GLI3: variants seen among roughly 807,000 people sequenced by gnomAD.
GLI3 encodes transcription activator GLI3.
A neutral mutation model predicts 100.8 loss-of-function variants in GLI3; 20 were observed. The observed-to-expected ratio is 0.20, with a 90% confidence interval of 0.14 to 0.29. The LOEUF is 0.29. Among genes scored for constraint, GLI3 ranks in the 10% least tolerant of loss-of-function variants. The pLI, the probability that GLI3 is intolerant of heterozygous loss-of-function variation, is 1.00. For synonymous variants in GLI3, 938 were observed against 860.5 expected, an observed-to-expected ratio of 1.09 and a Z score of -1.58; for missense variants, 2,040 against 2,128.5, an observed-to-expected ratio of 0.96 and a Z score of 0.82.
At chr7:42,159,167 G>T (rs115442645) in intron 2 of GLI3, among the ~76,000 whole-genome samples, 2,288 of 152,280 alleles carry the variant, frequency 0.015, 69 homozygotes, top group African/African-American at 0.053. Flanking sequence ...TCTTCAGGGG[G>T]ACTGTGATGA....
intron 10 of GLI3, among the ~76,000 whole-genome samples, chr7:42,009,646 C>T (rs938182097): frequency 6.6e-6 from 1 of 152,188 alleles, no homozygotes; most frequent in East Asian, 1.9e-4. Context: ...GCTTCCTTTT[C>T]CTGCTGTCTC....
chr7:42,025,321 CTTG>C lies in GLI3; in HGVS notation c.1296_1298del (p.Asn432del). 2 of 1,614,146 alleles carry C rather than the reference CTTG, an allele frequency of 1.2e-6. No individual in the cohort carries two copies. The highest frequency in any genetic ancestry group is 2.2e-5 in the East Asian group (1 of 44,866). ...CTTCATCGGGTTTGATCTTGGACCT[CTTG>C]TTGTGCATCGGGTCACCAGTGCTGC... On this transcript the variant is annotated inframe_deletion, in exon 9 of 15. Coordinates refer to ENST00000395925, the MANE Select transcript of GLI3 (RefSeq NM_000168.6).
In GLI3 at chr7:42,148,307, G is replaced by T. The variant is rs745600488; in HGVS notation, c.286C>A (p.His96Asn). 1 of 1,613,506 alleles carries T rather than the reference G, an allele frequency of 6.2e-7. No homozygotes were observed. Among genetic ancestry groups the T allele is most frequent in the Admixed American group, 1.7e-5 (1 of 59,940 alleles). ...IKKEIHGSLPHVAEPSVPYRG... is the reference protein window; with the variant it reads ...IKKEIHGSLPNVAEPSVPYRG... ...TACGGCACAGAGGGCTCCGCCACGTGTGGCAGGGACCCATGGATCTCTTTC... is the reference window on the plus strand; with the variant it reads ...TACGGCACAGAGGGCTCCGCCACGTTTGGCAGGGACCCATGGATCTCTTTC... The change falls in exon 3 of 15, where the codon CAC (histidine) becomes AAC (asparagine). Residue 96 changes from histidine to asparagine, a missense_variant. Physicochemically the swap from His to Asn is moderately conservative, Grantham distance 68 (BLOSUM62 1). Around this residue, in one of 5 missense-constraint regions of GLI3, gnomAD observed 603 missense variants for 690.9 expected, o/e 0.87. Coordinates refer to ENST00000395925, the MANE Select transcript of GLI3 (RefSeq NM_000168.6).
chr7:42,202,573 T>C (rs1055418083), intron 2 of GLI3, among the ~76,000 whole-genome samples: 2 of 152,172 alleles, frequency 1.3e-5, no homozygotes, highest in African/African-American at 2.4e-5. Context: ...AGGTTATGGG[T>C]TTCATGTCCA....
In GLI3 at chr7:42,148,218, G is replaced by A; in HGVS notation, c.367+8C>T. 1 of 1,605,906 alleles carries A rather than the reference G, an allele frequency of 6.2e-7. No individual in the cohort carries two copies. Among genetic ancestry groups the A allele is most frequent in the South Asian group, 1.1e-5 (1 of 90,024 alleles). On this transcript the variant is annotated splice_region_variant and intron_variant, in intron 3 of 14. Transcript: ENST00000395925. Reference sequence around the variant, plus strand: ...CCTGAACAAGTGCCGACTGGCATGGGCACTTACGGTAGTGGGGCTCCATGT... The same window carrying A: ...CCTGAACAAGTGCCGACTGGCATGGACACTTACGGTAGTGGGGCTCCATGT...
chr7:42,157,297 T>A (rs1323799485), intron 2 of GLI3, among the ~76,000 whole-genome samples: 1 of 152,260 alleles, frequency 6.6e-6, no homozygotes, highest in Non-Finnish European at 1.5e-5. Context: ...CAATTGTATC[T>A]AAGCAGCCTG....
chr7:42,137,104 C>T (rs911756427), intron 3 of GLI3, among the ~76,000 whole-genome samples: 11 of 152,148 alleles, frequency 7.2e-5, no homozygotes, highest in South Asian at 2.1e-4. Context: ...TCATGACAAC[C>T]GCTCATAAGG....
Position 41,961,247 on chromosome 7 carries a change from T to TAA in GLI3, c.*3082_*3083insTT. 6.6e-6 allele frequency: 1 copy of TAA among 152,648 alleles called. No homozygotes were observed. Among genetic ancestry groups the TAA allele is most frequent in the African/African-American group, 2.4e-5 (1 of 41,466 alleles). 9.5% of individuals were successfully genotyped at this position (152,648 alleles called of 1,614,324 possible). On this transcript the variant is annotated 3_prime_UTR_variant, in exon 15 of 15. Transcript: ENST00000395925. The stretch of plus-strand genomic sequence containing the variant: ...AAAAAAGGTGAAAAAAATGAACTTG[T>TAA]ATTTTATTTTACATGTCTGCAGGAT...
Position 42,037,162 on chromosome 7 carries a change from T to A in GLI3, c.1028+2876A>T, listed in dbSNP as rs148053042. 9.2e-5 allele frequency among the ~76,000 whole-genome samples: 14 copies of A among 152,114 alleles called. No homozygotes were observed. The East Asian group carries it at 2.7e-3, about 29-fold the overall frequency. On this transcript the variant is annotated intron_variant, in intron 7 of 14. Coordinates refer to ENST00000395925, the MANE Select transcript of GLI3 (RefSeq NM_000168.6). ...TCTCAAAAAAAAATAATAATAATAATAACACCACTTGCTTTGCCAAATAGC... is the reference window on the plus strand; with the variant it reads ...TCTCAAAAAAAAATAATAATAATAAAAACACCACTTGCTTTGCCAAATAGC...
chr7:42,243,075 T>C (rs1251284890), intron 1 of GLI3, among the ~76,000 whole-genome samples: 1 of 152,072 alleles, frequency 6.6e-6, no homozygotes, highest in African/African-American at 2.4e-5. Flanking sequence ...GGAAAAATGA[T>C]CACCTTCCAG....
intron 7 of GLI3, among the ~76,000 whole-genome samples, chr7:42,037,725 T>C (rs1414941678): frequency 6.6e-6 from 1 of 152,196 alleles, no homozygotes; most frequent in African/African-American, 2.4e-5. Context: ...GGTCTTTAAG[T>C]GAATCTCTTC....
chr7:42,165,906 T>C (rs1787232099), intron 2 of GLI3, among the ~76,000 whole-genome samples: 1 of 152,196 alleles, frequency 6.6e-6, no homozygotes, highest in Non-Finnish European at 1.5e-5. Context: ...AAAAATCGCA[T>C]ATATTAAATC....
At chr7:42,214,207 C>CT (rs1788327772) in intron 2 of GLI3, among the ~76,000 whole-genome samples, 2 of 152,132 alleles carry the variant, frequency 1.3e-5, no homozygotes, top group Non-Finnish European at 2.9e-5. Flanking sequence ...AGACCTCGGA[C>CT]TTTGAGAGGG....
chr7:42,155,174 T>C (rs967707283), intron 2 of GLI3, among the ~76,000 whole-genome samples: 1 of 152,042 alleles, frequency 6.6e-6, no homozygotes, highest in African/African-American at 2.4e-5. Context: ...GCGTGGTGGA[T>C]CACACCTGTA....
chr7:42,006,696 G>A (rs1788468858), intron 10 of GLI3, among the ~76,000 whole-genome samples: 1 of 152,052 alleles, frequency 6.6e-6, no homozygotes, highest in Non-Finnish European at 1.5e-5. Flanking sequence ...GCTATTCCAG[G>A]GAAACATGGA....
At chr7:42,115,422 AC>A (rs1785829177) in intron 3 of GLI3, among the ~76,000 whole-genome samples, 1 of 152,078 alleles carries the variant, frequency 6.6e-6, no homozygotes, top group Non-Finnish European at 1.5e-5. Flanking sequence ...TTACAGGTGT[AC>A]CCACCGTGCC....
chr7:42,046,558 A>G (rs1784249667), intron 5 of GLI3, among the ~76,000 whole-genome samples: 1 of 152,230 alleles, frequency 6.6e-6, no homozygotes, highest in Non-Finnish European at 1.5e-5. Flanking sequence ...AAGGAAGGCA[A>G]ATGAACCAGT....
intron 3 of GLI3, among the ~76,000 whole-genome samples, chr7:42,146,970 C>A (rs1056489912): frequency 1.3e-5 from 2 of 152,174 alleles, no homozygotes; most frequent in Admixed American, 6.5e-5. Context: ...ACTTTTGAAA[C>A]AGAGAAGTTG....
intron 10 of GLI3, among the ~76,000 whole-genome samples, chr7:41,986,708 G>A (rs1020397689): frequency 2.1e-4 from 32 of 151,958 alleles, no homozygotes; most frequent in African/African-American, 6.0e-4. Flanking sequence ...GGGTTTCTTT[G>A]TAGGGTAAGG....
Sources: gnomAD v4.1 joint callset for allele counts (sites outside exome capture counted in the v4.1 genomes callset) on GRCh38, gnomAD v4.1.1 for gene constraint, gnomAD v4.1.1 regional missense constraint, MANE v1.5 for transcripts, NCBI Gene and HGNC (gene_info 2026-07-23, HGNC 2026-07-21) for gene names.